The following PLCB1 variants were observed in gnomAD, a reference collection of about 807,000 sequenced individuals.
The protein encoded by PLCB1 is phospholipase C beta 1.
In PLCB1, 46 loss-of-function variants were observed where a neutral mutation model predicts 161.8. The ratio of observed to expected loss-of-function variants is 0.28; its 90% CI spans 0.22 to 0.36. The LOEUF (loss-of-function observed/expected upper bound fraction) is 0.36. PLCB1 is among the 10% of genes least tolerant of loss of function. The probability of loss-of-function intolerance (pLI) is 1.00; values close to 1 mark genes in which losing one functional copy is unlikely to be tolerated. For synonymous variants in PLCB1, 517 were observed against 503.7 expected, an observed-to-expected ratio of 1.03 and a Z score of -0.35; for missense variants, 1,016 against 1,472.5, an observed-to-expected ratio of 0.69 and a Z score of 5.07.
chr20:8,519,495 C>A (rs1488178937), intron 3 of PLCB1, among the ~76,000 whole-genome samples: 1 of 152,088 alleles, frequency 6.6e-6, no homozygotes, highest in Non-Finnish European at 1.5e-5. Context: ...GAACAAAGCC[C>A]TCTTCATCCT....
At chr20:8,422,589 T>C (rs946269701) in intron 3 of PLCB1, among the ~76,000 whole-genome samples, 2 of 152,226 alleles carry the variant, frequency 1.3e-5, no homozygotes, top group Admixed American at 6.5e-5. Flanking sequence ...TAAAAACGTA[T>C]AACGTTTATC....
intron 3 of PLCB1, among the ~76,000 whole-genome samples, chr20:8,429,845 A>T (rs1023764535): frequency 6.6e-6 from 1 of 152,034 alleles, no homozygotes; most frequent in Non-Finnish European, 1.5e-5. Flanking sequence ...TTTATTAATA[A>T]ACCCTCAAAG....
At chr20:8,336,933 T>C (rs907110600) in intron 2 of PLCB1, among the ~76,000 whole-genome samples, 4 of 152,134 alleles carry the variant, frequency 2.6e-5, no homozygotes, top group Non-Finnish European at 1.5e-5. Flanking sequence ...TCAAAACAAA[T>C]ATTATAGCTC....
rs80225480 is a variant in PLCB1, at chr20:8,587,218, T to C, written c.247-41076T>C. On this transcript the variant is annotated intron_variant, in intron 3 of 31. Transcript: ENST00000338037. ...TATGATCTCAAAAAGGGAGATGGTG[T>C]AGAATCTACTTAGCTTTGAGCAGTA... Among the ~76,000 whole-genome samples, 947 of 152,160 alleles carry C rather than the reference T, an allele frequency of 6.2e-3. 12 individuals are homozygous for C. The highest frequency in any genetic ancestry group is 0.022 in the African/African-American group (898 of 41,532).
At chr20:8,438,988 G>C (rs541158790) in intron 3 of PLCB1, among the ~76,000 whole-genome samples, 80 of 152,284 alleles carry the variant, frequency 5.3e-4, no homozygotes, top group African/African-American at 1.9e-3. Context: ...CAGAGGGAAG[G>C]AGAGTCAGCG....
In PLCB1 at chr20:8,321,034, G is replaced by A. The variant is rs202173506; in HGVS notation, c.178-50348G>A. On this transcript the variant is annotated intron_variant, in intron 2 of 31. Coordinates refer to ENST00000338037, the MANE Select transcript of PLCB1 (RefSeq NM_015192.4). ...AGGGAGGGAGATAAAGAAAGAAAGA[G>A]AGAGAGGAGAAAAAAGTATAATGGA... 2.4e-3 allele frequency among the ~76,000 whole-genome samples: 326 copies of A among 135,856 alleles called. 2 individuals are homozygous for A. The highest frequency in any genetic ancestry group is 7.9e-3 in the African/African-American group (293 of 37,044). 89.1% of individuals were successfully genotyped at this position (135,856 alleles called of 152,430 possible).
intron 31 of PLCB1, among the ~76,000 whole-genome samples, chr20:8,842,882 T>G (rs554482097): frequency 6.6e-6 from 1 of 152,308 alleles, no homozygotes; most frequent in African/African-American, 2.4e-5. Context: ...GCTATCTGCC[T>G]GTGGATTCCG....
intron 31 of PLCB1, among the ~76,000 whole-genome samples, chr20:8,824,071 G>A (rs1985568350): frequency 2.0e-5 from 3 of 152,028 alleles, no homozygotes; most frequent in Admixed American, 2.0e-4. Context: ...GACACATCCA[G>A]CATTCAGACT....
chr20:8,143,682 AG>A (rs1412578988), intron 1 of PLCB1, among the ~76,000 whole-genome samples: 1 of 152,224 alleles, frequency 6.6e-6, no homozygotes, highest in African/African-American at 2.4e-5. Context: ...AGGGAACAGC[AG>A]GTGTGGGTAT....
intron 3 of PLCB1, among the ~76,000 whole-genome samples, chr20:8,497,609 G>A (rs1667107212): frequency 6.6e-6 from 1 of 152,126 alleles, no homozygotes; most frequent in African/African-American, 2.4e-5. Context: ...CCATAAAATA[G>A]ATTGGTTGTG....
intron 3 of PLCB1, among the ~76,000 whole-genome samples, chr20:8,617,257 TAC>T (rs1335975844): frequency 6.6e-6 from 1 of 152,168 alleles, no homozygotes; most frequent in Non-Finnish European, 1.5e-5. Context: ...TACAGATTGA[TAC>T]ACACAGCCAT....
chr20:8,467,378 A>C (rs1275388287), intron 3 of PLCB1, among the ~76,000 whole-genome samples: 1 of 152,184 alleles, frequency 6.6e-6, no homozygotes, highest in Non-Finnish European at 1.5e-5. Context: ...CTGTGTGTTA[A>C]TCAAAGGGCT....
intron 31 of PLCB1, among the ~76,000 whole-genome samples, chr20:8,805,498 G>T (rs932162574): frequency 2.6e-5 from 4 of 152,154 alleles, no homozygotes; most frequent in African/African-American, 9.7e-5. Flanking sequence ...GTTCCTACAT[G>T]CTTTGAAATA....
chr20:8,363,939 C>G (rs946462512), intron 2 of PLCB1, among the ~76,000 whole-genome samples: 1 of 152,134 alleles, frequency 6.6e-6, no homozygotes, highest in East Asian at 1.9e-4. Context: ...TTTTACAATT[C>G]TTGGTATGCT....
intron 31 of PLCB1, among the ~76,000 whole-genome samples, chr20:8,840,482 A>G (rs1986459642): frequency 6.6e-6 from 1 of 152,170 alleles, no homozygotes; most frequent in Non-Finnish European, 1.5e-5. Flanking sequence ...TGGGTGGAAA[A>G]CAATGAGTTA....
chr20:8,692,778 C>A (rs986798676), intron 10 of PLCB1, among the ~76,000 whole-genome samples: 1 of 152,084 alleles, frequency 6.6e-6, no homozygotes, highest in Non-Finnish European at 1.5e-5. Flanking sequence ...AAGGACATGG[C>A]GAAAGTTCTT....
intron 23 of PLCB1, among the ~76,000 whole-genome samples, chr20:8,746,867 C>T (rs985653320): frequency 6.6e-6 from 1 of 152,126 alleles, no homozygotes; most frequent in African/African-American, 2.4e-5. Context: ...AGTGTGAAGA[C>T]CAGGGCATCA....
chr20:8,839,633 C>G (rs2179475), intron 31 of PLCB1, among the ~76,000 whole-genome samples: 48,648 of 150,446 alleles, frequency 0.32, 8,776 homozygotes, highest in East Asian at 0.64. Flanking sequence ...TGACTGGTCA[C>G]AAAAATCACA....
chr20:8,669,228 G>T (rs1989887682), intron 9 of PLCB1, among the ~76,000 whole-genome samples: 1 of 152,172 alleles, frequency 6.6e-6, no homozygotes, highest in Non-Finnish European at 1.5e-5. Context: ...CTATGTGCGA[G>T]GGAAGCTTGA....
Sources: allele counts gnomAD v4.1 joint callset (sites outside exome capture counted in the v4.1 genomes callset), GRCh38; gene constraint gnomAD v4.1.1; transcripts MANE v1.5; gene names NCBI Gene and HGNC (gene_info 2026-07-23, HGNC 2026-07-21).